ADGRD2: variants seen among roughly 807,000 people sequenced by gnomAD.
ADGRD2 encodes the protein G protein-coupled receptor PGR24.
A neutral mutation model predicts 44.4 loss-of-function variants in ADGRD2; 71 were observed. The observed-to-expected ratio is 1.60, with a 90% CI of 1.32 to 1.95. ADGRD2 has a LOEUF of 1.95. Among genes scored for constraint, ADGRD2 ranks in the 30% most tolerant of loss-of-function variants. ADGRD2 has a pLI of 0.00. For missense variants in ADGRD2, 1,039 were observed against 512.4 expected (o/e 2.03, Z -9.92); for synonymous variants, 481 against 224.8 (o/e 2.14, Z -10.19).
intron 17 of ADGRD2, among the ~76,000 whole-genome samples, chr9:124,473,730 C>A (rs920016163): frequency 1.3e-5 from 2 of 152,200 alleles, no homozygotes; most frequent in African/African-American, 4.8e-5. Flanking sequence ...GGCCGAGAGA[C>A]AAGGGGCCTT....
Position 124,454,954 on chromosome 9 carries a change from C to T in ADGRD2, c.1222C>T (p.Pro408Ser). The change falls in exon 6 of 22, where the codon CCG becomes TCG. Residue 408 changes from proline (P) to serine (S), a missense_variant. By Grantham distance (74) the Pro-to-Ser change is moderately conservative. Transcript: ENST00000334810. This position sits in a 1 kb window ranked among gnomAD's most constrained non-coding sequence, Gnocchi z 4.5. The stretch of plus-strand genomic sequence containing the variant: ...GGCGATGGAGATGGCTCCCCTGGGG[C>T]CGGCCGCACTGCTGGCTGTTGTCCG... The T allele has an allele frequency of 1.4e-6, 1 of 717,932 alleles. No individual in the cohort carries two copies. Among genetic ancestry groups the T allele is most frequent in the Non-Finnish European group, 2.6e-6 (1 of 385,098 alleles). 44.5% of individuals were successfully genotyped at this position (717,932 alleles called of 1,614,324 possible).
At chr9:124,475,528 G>T (rs1389714267) in intron 18 of ADGRD2, 41 bp downstream of exon 21, 1 of 715,940 alleles carries the variant, frequency 1.4e-6, no homozygotes, top group Admixed American at 2.0e-5. Context: ...GGGGTCCAAG[G>T]GGTAGGGAGG....
rs59651695 is a variant in ADGRD2, at chr9:124,467,340, CAAAAAA to C, written c.2027-362_2027-357del. The C allele has an allele frequency of 4.4e-3, 463 of 104,940 alleles. 1 individual carries two copies. Among genetic ancestry groups the C allele is most frequent in the Middle Eastern group, 0.018 (4 of 222 alleles). 6.5% of individuals were successfully genotyped at this position (104,940 alleles called of 1,614,324 possible). On this transcript the variant is annotated intron_variant, in intron 11 of 21. Transcript: ENST00000334810. ...TGGGTGACAGACTGTCTTGAAGCAA[CAAAAAA>C]AAAAAAAAAAAAAAAAAAGTCAGAG...
intron 14 of ADGRD2, 114 bp downstream of exon 17, chr9:124,468,786 T>C (rs1447047514): frequency 6.5e-6 from 4 of 618,250 alleles, no homozygotes; most frequent in African/African-American, 1.8e-5. Context: ...CCACTCAGCA[T>C]CCGGCATTTA....
intron 6 of ADGRD2, among the ~76,000 whole-genome samples, chr9:124,455,797 G>T (rs1332217787): frequency 2.0e-5 from 3 of 152,174 alleles, no homozygotes; most frequent in Non-Finnish European, 4.4e-5. Context: ...AGATGGAGAG[G>T]CTGTTGGAAA....
chr9:124,466,012 G>A (rs957783240), intron 10 of ADGRD2: 6 of 326,500 alleles, frequency 1.8e-5, no homozygotes, highest in Non-Finnish European at 3.3e-5. Context: ...GGGAACCTTG[G>A]TCCCAGTGGC....
chr9:124,468,488 G>A, intron 13 of ADGRD2, 31 bp from the exon 17 acceptor site: 1 of 717,842 alleles, frequency 1.4e-6, no homozygotes, highest in Non-Finnish European at 2.6e-6. Flanking sequence ...TCTGACCTCG[G>A]ACCTGGGTGG....
At position 124,465,017 on chromosome 9, in the gene ADGRD2, G is replaced by A. The variant is rs149859383; in HGVS notation, c.1871-1241G>A. On this transcript the variant is annotated intron_variant, in intron 10 of 21. Coordinates refer to ENST00000334810, the Ensembl canonical transcript of ADGRD2. ...AGGCGCAGTTGCTTAACTGCTCCCC[G>A]GTGATGGCTGCTTAGCTTGTTCCCA... is the stretch of plus-strand genomic sequence containing the variant. Among the ~76,000 whole-genome samples, 492 of 152,252 alleles carry A rather than the reference G, an allele frequency of 3.2e-3. 6 individuals are homozygous for A. Among genetic ancestry groups the A allele is most frequent in the African/African-American group, 0.011 (467 of 41,528 alleles).
chr9:124,451,401 C>T (rs1430193209), upstream of ADGRD2: 2 of 366,248 alleles, frequency 5.5e-6, no homozygotes, highest in African/African-American at 4.3e-5. Flanking sequence ...CTGCTTCGGT[C>T]CTGAAGGGGC....
intron 17 of ADGRD2, among the ~76,000 whole-genome samples, chr9:124,472,801 C>A (rs1350120202): frequency 4.6e-5 from 7 of 152,252 alleles, no homozygotes. Context: ...AGCCACCGCA[C>A]CCAGCCCTCT....
At chr9:124,467,961 G>A in intron 12 of ADGRD2, 127 bp from the exon 16 acceptor site, 1 of 701,290 alleles carries the variant, frequency 1.4e-6, no homozygotes, top group Non-Finnish European at 2.7e-6. Context: ...GATGTGCTGG[G>A]TCCCCTGTGG....
chr9:124,465,232 C>T (rs1831796293), intron 10 of ADGRD2: 1 of 153,228 alleles, frequency 6.5e-6, no homozygotes, highest in African/African-American at 2.4e-5. Flanking sequence ...CCATGCCCCT[C>T]AATCCACGCT....
chr9:124,458,339 G>A (rs960472823), intron 9 of ADGRD2, 103 bp downstream of exon 12: 7 of 654,564 alleles, frequency 1.1e-5, no homozygotes, highest in Admixed American at 2.4e-5. Context: ...GCAGCCCAGG[G>A]CCCACCCTTT....
chr9:124,458,666 A>G, exon 10 of ADGRD2: 1 of 718,670 alleles, frequency 1.4e-6, no homozygotes, highest in Non-Finnish European at 2.6e-6. Flanking sequence ...GAAGTGTGGG[A>G]CGTCACTGGA....
exon 17 of ADGRD2, chr9:124,470,575 C>T (rs1233870638): frequency 5.6e-6 from 4 of 709,186 alleles, no homozygotes; most frequent in Admixed American, 4.0e-5. Flanking sequence ...ACCTGAGCCC[C>T]GCCTGGGCCT....
chr9:124,453,346 C>G, exon 3 of ADGRD2: 1 of 516,838 alleles, frequency 1.9e-6, no homozygotes, highest in African/African-American at 2.0e-5. Flanking sequence ...CACGTGGGAG[C>G]AGCGGGGCGG....
intron 16 of ADGRD2, 66 bp from the exon 20 acceptor site, chr9:124,470,428 C>T: frequency 1.5e-6 from 1 of 678,938 alleles, no homozygotes; most frequent in Non-Finnish European, 2.7e-6. Context: ...TGCTGCTCTC[C>T]CTGGAGCCCT....
chr9:124,473,916 G>A (rs1329797423), intron 17 of ADGRD2, among the ~76,000 whole-genome samples: 5 of 151,916 alleles, frequency 3.3e-5, no homozygotes, highest in African/African-American at 9.7e-5. Context: ...GGGTAAGGCT[G>A]GCGAGAAATG....
At chr9:124,451,794 G>T (rs1831475867), upstream of ADGRD2, 1 of 377,552 alleles carries the variant, frequency 2.6e-6, no homozygotes, top group South Asian at 2.9e-5. Flanking sequence ...ACCTCATAAG[G>T]TCACTGCAAA....
Sources: gnomAD v4.1 joint callset for allele counts (sites outside exome capture counted in the v4.1 genomes callset) on GRCh38, gnomAD v4.1.1 for gene constraint, Gnocchi (gnomAD v3.1) non-coding constraint, MANE v1.5 for transcripts, NCBI Gene and HGNC (gene_info 2026-07-23, HGNC 2026-07-21) for gene names.